VEZT: variants seen among roughly 807,000 people sequenced by gnomAD.
The protein encoded by VEZT is vezatin, adherens junctions transmembrane protein.
In VEZT, 39 loss-of-function variants were observed where a neutral mutation model predicts 79.9. That is an observed-to-expected ratio of 0.49 (90% CI 0.38 to 0.64). VEZT has a LOEUF of 0.64. VEZT is among the 30% of genes least tolerant of loss of function. The probability of loss-of-function intolerance (pLI) is 0.00; values close to 1 mark genes in which losing one functional copy is unlikely to be tolerated. For synonymous variants in VEZT, 325 were observed against 327.6 expected, an observed-to-expected ratio of 0.99 and a Z score of 0.09; for missense variants, 837 against 893.1, an observed-to-expected ratio of 0.94 and a Z score of 0.80.
At chr12:95,246,089 A>G (rs2061672888) in intron 1 of VEZT, among the ~76,000 whole-genome samples, 1 of 152,214 alleles carries the variant, frequency 6.6e-6, no homozygotes, top group African/African-American at 2.4e-5. Context: ...TGGACTTTAT[A>G]CATCTGGGAG....
In VEZT at chr12:95,240,671, A is replaced by G. The variant is rs1316097353; in HGVS notation, c.37-11269A>G. On this transcript the variant is annotated intron_variant, in intron 1 of 11. Transcript: ENST00000436874. ...ATAAATTCTAATGCAGTTATTTCGA[A>G]GGTAACTCATTTCACTCTTAGAAAG... Among the ~76,000 whole-genome samples, 3 of 152,164 alleles carry G rather than the reference A, an allele frequency of 2.0e-5. No individual in the cohort carries two copies. In the East Asian group the frequency reaches 5.8e-4, roughly 29 times the overall value.
Position 95,294,793 on chromosome 12 carries a change from C to G in VEZT, c.1623+421C>G, listed in dbSNP as rs566412403. On this transcript the variant is annotated intron_variant, in intron 10 of 11. Transcript: ENST00000436874. Reference sequence around the variant, plus strand: ...CTTTTGTTCATTGTAAGGAAAACCTCTTTTCCTTAGGTCATATTATCTATT... The same window carrying G: ...CTTTTGTTCATTGTAAGGAAAACCTGTTTTCCTTAGGTCATATTATCTATT... 7.2e-5 allele frequency among the ~76,000 whole-genome samples: 11 copies of G among 152,244 alleles called. No homozygotes were observed. The South Asian group carries it at 2.1e-3, about 29-fold the overall frequency.
chr12:95,235,115 C>T (rs1230070848), intron 1 of VEZT, among the ~76,000 whole-genome samples: 1 of 152,058 alleles, frequency 6.6e-6, no homozygotes, highest in African/African-American at 2.4e-5. Context: ...CCTTTCCCCC[C>T]TTTCTATTCC....
rs571035803 is a variant in VEZT at position 95,260,478 on chromosome 12, G to A, written c.259-2428G>A. Among the ~76,000 whole-genome samples the A allele has an allele frequency of 2.1e-4, 32 of 152,232 alleles. 1 individual carries two copies. The South Asian group carries it at 6.4e-3, about 31-fold the overall frequency. ...CCTCTAAGCACGTTGGTTTTGGGGA[G>A]GTGTTATCCCAGTTTTACACATAAG... is the stretch of plus-strand genomic sequence containing the variant. On this transcript the variant is annotated intron_variant, in intron 3 of 11. Transcript: ENST00000436874.
intron 1 of VEZT, among the ~76,000 whole-genome samples, chr12:95,246,270 G>A (rs1329316322): frequency 6.6e-6 from 1 of 152,096 alleles, no homozygotes; most frequent in Non-Finnish European, 1.5e-5. Context: ...TTACAGACAT[G>A]TGCCACCATG....
chr12:95,279,917 C>T (rs2068626947), intron 7 of VEZT, among the ~76,000 whole-genome samples: 1 of 152,144 alleles, frequency 6.6e-6, no homozygotes, highest in South Asian at 2.1e-4. Flanking sequence ...GTAAACTGTA[C>T]CAACTTGATT....
intron 4 of VEZT, among the ~76,000 whole-genome samples, 173 bp from the exon 5 acceptor site, chr12:95,266,184 T>A (rs548543561): frequency 6.6e-6 from 1 of 152,370 alleles, no homozygotes; most frequent in South Asian, 2.1e-4. Context: ...ATTTTAAAAA[T>A]CTTTCACATC....
chr12:95,282,763 A>G, intron 8 of VEZT, 119 bp downstream of exon 8: 1 of 721,564 alleles, frequency 1.4e-6, no homozygotes, highest in Non-Finnish European at 2.2e-6. Context: ...AGGCATGAGC[A>G]TGAAGGGTGA....
At chr12:95,265,417 G>A (rs1399835881) in intron 4 of VEZT, among the ~76,000 whole-genome samples, 1 of 146,576 alleles carries the variant, frequency 6.8e-6, no homozygotes, top group Admixed American at 7.0e-5. Context: ...ATTTCTAATT[G>A]GAAAAATGTG....
At position 95,266,377 on chromosome 12, in the gene VEZT, C is replaced by T; in HGVS notation, c.455C>T (p.Ala152Val). Residue 152 changes from alanine to valine, a missense_variant, in exon 5 of 12, where the codon GCC (alanine) becomes GTC (valine). Coordinates refer to ENST00000436874, the MANE Select transcript of VEZT (RefSeq NM_017599.4). The stretch of plus-strand genomic sequence containing the variant: ...CCCAGGGATCTCTCAATGCTATTTG[C>T]CTTCATTAGCTTGCTCGTTATGCTT... Reference protein sequence around the residue: ...PNIWDLSMLFAFISLLVMLPT... With the variant: ...PNIWDLSMLFVFISLLVMLPT... 1 of 1,613,286 alleles carries T rather than the reference C, an allele frequency of 6.2e-7. No homozygotes were observed. Among genetic ancestry groups the T allele is most frequent in the Non-Finnish European group, 8.5e-7 (1 of 1,179,542 alleles).
chr12:95,271,785 C>A (rs755918013), intron 6 of VEZT, among the ~76,000 whole-genome samples: 13 of 152,118 alleles, frequency 8.5e-5, no homozygotes, highest in Non-Finnish European at 1.8e-4. Context: ...TGTATGAGTT[C>A]TTTGTGCCAG....
rs2075320925 is a variant in VEZT, at chr12:95,302,509, T to C, written c.*1836T>C. Reference sequence around the variant, plus strand: ...ATTATGACATAAAGATCTTGCAGCTTTATTTGAGTATTTGTTCTTTTGTGT... The same window carrying C: ...ATTATGACATAAAGATCTTGCAGCTCTATTTGAGTATTTGTTCTTTTGTGT... On this transcript the variant is annotated 3_prime_UTR_variant, in exon 12 of 12. Transcript: ENST00000436874. 1 of 152,160 alleles carries C rather than the reference T, an allele frequency of 6.6e-6. No individual in the cohort carries two copies. The highest frequency in any genetic ancestry group is 6.5e-5 in the Admixed American group (1 of 15,276). The allele number at this position is 152,160 out of a possible 1,614,324, so 9.4% of individuals were successfully genotyped here.
intron 1 of VEZT, among the ~76,000 whole-genome samples, chr12:95,242,969 G>A (rs951747938): frequency 2.0e-5 from 3 of 151,104 alleles, no homozygotes; most frequent in Non-Finnish European, 4.4e-5. Flanking sequence ...TTGTTCCATA[G>A]TATTTTCTTA....
At position 95,250,317 on chromosome 12, in the gene VEZT, T is replaced by G. The variant is rs183973627; in HGVS notation, c.37-1623T>G. Among the ~76,000 whole-genome samples, 799 of 149,150 alleles carry G rather than the reference T, an allele frequency of 5.4e-3. 1 individual carries two copies. Among genetic ancestry groups the G allele is most frequent in the African/African-American group, 7.9e-3 (319 of 40,634 alleles). ...TTAATTTTTTAATTTTTTTTTTTTTTTGTGAGACAAAGTCTTGCTCTGTCA... is the reference window on the plus strand; with the variant it reads ...TTAATTTTTTAATTTTTTTTTTTTTGTGTGAGACAAAGTCTTGCTCTGTCA... On this transcript the variant is annotated intron_variant, in intron 1 of 11. Coordinates refer to ENST00000436874, the MANE Select transcript of VEZT (RefSeq NM_017599.4).
At chr12:95,243,398 CTCAGCTTCAGCT>C (rs141078164) in intron 1 of VEZT, among the ~76,000 whole-genome samples, 8 of 150,088 alleles carry the variant, frequency 5.3e-5, no homozygotes, top group Admixed American at 6.7e-5. Flanking sequence ...TTACCCATCA[CTCAGCTTCAGCT>C]TCAGCTTCAG....
At chr12:95,291,104 A>G (rs953476097) in intron 9 of VEZT, among the ~76,000 whole-genome samples, 5 of 152,002 alleles carry the variant, frequency 3.3e-5, no homozygotes, top group African/African-American at 1.2e-4. Flanking sequence ...ATCTCTACCA[A>G]AAAAAACAAA....
chr12:95,262,065 C>G (rs2064636371), intron 3 of VEZT, among the ~76,000 whole-genome samples: 1 of 152,214 alleles, frequency 6.6e-6, no homozygotes, highest in Admixed American at 6.5e-5. Flanking sequence ...TTCTCCAACT[C>G]CTTTGTCTGG....
chr12:95,252,934 C>T (rs2062850595), intron 2 of VEZT, among the ~76,000 whole-genome samples: 1 of 151,996 alleles, frequency 6.6e-6, no homozygotes, highest in Non-Finnish European at 1.5e-5. Flanking sequence ...CATTGCACTC[C>T]AGCCTGGGCA....
rs781436798 is a variant in VEZT, at chr12:95,256,495, G to C, written c.169-655G>C. 3 of 957,990 alleles carry C rather than the reference G, an allele frequency of 3.1e-6. No individual in the cohort carries two copies. The African/African-American group carries it at 5.2e-5, about 17-fold the overall frequency. 59.3% of individuals were successfully genotyped at this position (957,990 alleles called of 1,614,324 possible). A position where few individuals can be genotyped will look rare whatever the true frequency, so the allele number is the denominator to read the frequency against. ...TATATTGTCTCTTCTTCTATACTAA[G>C]TTCTTGAAAACAATAGTTACATGTA... is the stretch of plus-strand genomic sequence containing the variant. On this transcript the variant is annotated intron_variant, in intron 2 of 11. Transcript: ENST00000436874.
Sources: allele counts gnomAD v4.1 joint callset (sites outside exome capture counted in the v4.1 genomes callset), GRCh38; gene constraint gnomAD v4.1.1; transcripts MANE v1.5; gene names NCBI Gene and HGNC (gene_info 2026-07-23, HGNC 2026-07-21).